FOXP2: variants seen among roughly 807,000 people sequenced by gnomAD.
The protein encoded by FOXP2 is forkhead box P2.
FOXP2 carries 12 observed loss-of-function variants against 115.8 expected under a neutral mutation model. That is an observed-to-expected ratio of 0.10 (90% CI 0.07 to 0.17). FOXP2 has a LOEUF of 0.17. Among genes scored for constraint, FOXP2 ranks in the 10% least tolerant of loss-of-function variants. The pLI is 1.00. For missense variants in FOXP2, 629 were observed against 843.5 expected (o/e 0.75, Z 3.15); for synonymous variants, 328 against 297.7 (o/e 1.10, Z -1.05).
At chr7:114,306,409 A>C (rs1411421048) in intron 2 of FOXP2, among the ~76,000 whole-genome samples, 1 of 152,176 alleles carries the variant, frequency 6.6e-6, no homozygotes, top group Non-Finnish European at 1.5e-5. Flanking sequence ...ACGTTTATAG[A>C]AAACAATAAG....
rs543456915 is a variant in FOXP2, at chr7:114,601,643, C to T, written c.259-26897C>T. On this transcript the variant is annotated intron_variant, in intron 3 of 16. Coordinates refer to ENST00000350908, the MANE Select transcript of FOXP2 (RefSeq NM_014491.4). ...TAAGACTATAAATTTCCCTTTAACACGCATTAGCTTTATCCTACAACTTGA... is the reference window on the plus strand; with the variant it reads ...TAAGACTATAAATTTCCCTTTAACATGCATTAGCTTTATCCTACAACTTGA... 3.3e-5 allele frequency among the ~76,000 whole-genome samples: 5 copies of T among 152,106 alleles called. No homozygotes were observed. In the South Asian group the frequency reaches 8.3e-4, roughly 25 times the overall value.
chr7:114,326,537 T>A (rs1215175033), intron 2 of FOXP2, among the ~76,000 whole-genome samples: 1 of 152,160 alleles, frequency 6.6e-6, no homozygotes, highest in Admixed American at 6.5e-5. Flanking sequence ...ATGGGATTCC[T>A]AGTACTTGTT....
At chr7:114,501,772 C>T (rs571095642) in intron 2 of FOXP2, among the ~76,000 whole-genome samples, 12 of 151,924 alleles carry the variant, frequency 7.9e-5, no homozygotes, top group East Asian at 5.8e-4. Flanking sequence ...GTGATTAAAA[C>T]GGTGAAATTC....
chr7:114,466,316 C>T (rs1305808976), intron 2 of FOXP2, among the ~76,000 whole-genome samples: 6 of 152,128 alleles, frequency 3.9e-5, no homozygotes, highest in Non-Finnish European at 8.8e-5. Context: ...GACTTCAGTC[C>T]CCAGGATTTC....
At chr7:114,614,542 TG>T (rs1333981630) in intron 3 of FOXP2, among the ~76,000 whole-genome samples, 6 of 152,216 alleles carry the variant, frequency 3.9e-5, no homozygotes, top group African/African-American at 1.4e-4. Flanking sequence ...TTATGGACTC[TG>T]GGTTTTGTCT....
At chr7:114,357,191 T>C (rs1278123874) in intron 2 of FOXP2, among the ~76,000 whole-genome samples, 1 of 152,162 alleles carries the variant, frequency 6.6e-6, no homozygotes, top group Admixed American at 6.6e-5. Flanking sequence ...GAATTTTTCA[T>C]AGTAGTACTT....
intron 1 of FOXP2, among the ~76,000 whole-genome samples, chr7:114,229,980 TAGAC>T (rs1048899601): frequency 8.6e-5 from 13 of 151,510 alleles, no homozygotes; most frequent in African/African-American, 3.1e-4. Context: ...ATTAACCAAA[TAGAC>T]AGACTTTTAG....
intron 1 of FOXP2, among the ~76,000 whole-genome samples, chr7:114,174,486 T>G (rs1474526170): frequency 2.6e-5 from 4 of 152,082 alleles, no homozygotes; most frequent in African/African-American, 7.2e-5. Flanking sequence ...TTTATGTTTC[T>G]TCTACAAATT....
upstream of FOXP2, among the ~76,000 whole-genome samples, chr7:114,160,854 A>C (rs1182325427): frequency 6.6e-6 from 1 of 151,764 alleles, no homozygotes; most frequent in Non-Finnish European, 1.5e-5. Flanking sequence ...TTCCATATTG[A>C]TAATGTAATT....
chr7:114,607,369 C>G (rs1004186463), intron 3 of FOXP2, among the ~76,000 whole-genome samples: 2 of 151,992 alleles, frequency 1.3e-5, no homozygotes, highest in African/African-American at 4.8e-5. Flanking sequence ...ACTATATCAT[C>G]CAAAAGAGAA....
chr7:114,553,920 G>T (rs891357487), intron 3 of FOXP2, among the ~76,000 whole-genome samples: 1 of 151,954 alleles, frequency 6.6e-6, no homozygotes, highest in Non-Finnish European at 1.5e-5. Context: ...ATTTGCTATT[G>T]ATCATCTGAT....
At chr7:114,162,870 A>AC (rs1197605163), upstream of FOXP2, 2 of 151,770 alleles carry the variant, frequency 1.3e-5, no homozygotes, top group Non-Finnish European at 2.9e-5. Flanking sequence ...GGAAGCTTCA[A>AC]CCCCCCAGTA....
chr7:114,161,216 T>A (rs1388085032), upstream of FOXP2, among the ~76,000 whole-genome samples: 3 of 152,308 alleles, frequency 2.0e-5, no homozygotes, highest in East Asian at 5.8e-4. Flanking sequence ...TGGCCAAGAT[T>A]AGTTGAATCT....
chr7:114,390,607 G>T (rs1792570980), intron 2 of FOXP2, among the ~76,000 whole-genome samples: 1 of 152,046 alleles, frequency 6.6e-6, no homozygotes, highest in Admixed American at 6.6e-5. Flanking sequence ...ATGCTGGAAT[G>T]CAGTGGCATG....
chr7:114,383,342 T>A (rs1489372583), intron 2 of FOXP2, among the ~76,000 whole-genome samples: 1 of 152,104 alleles, frequency 6.6e-6, no homozygotes, highest in Non-Finnish European at 1.5e-5. Context: ...AGGGGCATAA[T>A]CAGGGAACAT....
At chr7:114,087,606 C>T (rs1243053141), upstream of FOXP2, 1 of 147,932 alleles carries the variant, frequency 6.8e-6, no homozygotes, top group African/African-American at 2.4e-5. Flanking sequence ...CCTTCGCGCT[C>T]GCGGCGGCGC....
At chr7:114,489,939 A>G (rs1285768094) in intron 2 of FOXP2, among the ~76,000 whole-genome samples, 1 of 152,140 alleles carries the variant, frequency 6.6e-6, no homozygotes, top group African/African-American at 2.4e-5. Context: ...AAATGCTGGC[A>G]AGGATGTGGA....
rs186509215 is a variant in FOXP2 at position 114,554,290 on chromosome 7, A to G, written c.258+19584A>G. On this transcript the variant is annotated intron_variant, in intron 3 of 16. Transcript: ENST00000350908. Reference sequence around the variant, plus strand: ...GTCTTGCAGCTGCTTCAAATTAAGAACAGGTGTAGAAAACAGATTATGCAA... The same window carrying G: ...GTCTTGCAGCTGCTTCAAATTAAGAGCAGGTGTAGAAAACAGATTATGCAA... Among the ~76,000 whole-genome samples, 164 of 152,234 alleles carry G rather than the reference A, an allele frequency of 1.1e-3. 1 individual carries two copies. Among genetic ancestry groups the G allele is most frequent in the Middle Eastern group, 0.01 (3 of 294 alleles).
intron 3 of FOXP2, among the ~76,000 whole-genome samples, chr7:114,577,580 A>G (rs1801639658): frequency 6.6e-6 from 1 of 151,918 alleles, no homozygotes; most frequent in Admixed American, 6.6e-5. Flanking sequence ...AGGCTCTCAC[A>G]ATCATGCTCC....
Sources: gnomAD v4.1 joint callset for allele counts (sites outside exome capture counted in the v4.1 genomes callset) on GRCh38, gnomAD v4.1.1 for gene constraint, MANE v1.5 for transcripts, NCBI Gene and HGNC (gene_info 2026-07-23, HGNC 2026-07-21) for gene names.